The following PLS1 variants were observed in gnomAD, a reference collection of about 807,000 sequenced individuals.
The protein encoded by PLS1 is plastin 1.
In PLS1, 32 loss-of-function variants were observed where a neutral mutation model predicts 73.7. That is an observed-to-expected ratio of 0.43 (90% CI 0.33 to 0.58). The LOEUF (loss-of-function observed/expected upper bound fraction) is 0.58, where lower values mean the gene tolerates loss of function less well. PLS1 is among the 20% of genes least tolerant of loss of function. The pLI is 0.04. For synonymous variants in PLS1, 217 were observed against 261.3 expected (o/e 0.83, Z 1.63); for missense variants, 633 against 740.5 (o/e 0.85, Z 1.68).
chr3:142,661,410 T>A (rs2037366892), intron 1 of PLS1, among the ~76,000 whole-genome samples: 1 of 152,162 alleles, frequency 6.6e-6, no homozygotes, highest in Admixed American at 6.5e-5. Flanking sequence ...GACCAAAAGA[T>A]TAATTGCACA....
chr3:142,694,148 C>T (rs2038144505), intron 10 of PLS1, among the ~76,000 whole-genome samples: 1 of 151,344 alleles, frequency 6.6e-6, no homozygotes, highest in African/African-American at 2.4e-5. Context: ...TTAGTGAATC[C>T]CTTTTGCATC....
chr3:142,639,095 G>T (rs1560043197), intron 1 of PLS1, among the ~76,000 whole-genome samples: 1 of 152,062 alleles, frequency 6.6e-6, no homozygotes, highest in Admixed American at 6.6e-5. Flanking sequence ...TATAATAGAA[G>T]ACTTCCTTAG....
intron 9 of PLS1, among the ~76,000 whole-genome samples, chr3:142,688,481 C>T (rs1330040555): frequency 6.6e-6 from 1 of 152,170 alleles, no homozygotes; most frequent in African/African-American, 2.4e-5. Flanking sequence ...CATGAACTCT[C>T]AATCTAACAG....
intron 14 of PLS1, among the ~76,000 whole-genome samples, chr3:142,707,429 C>A (rs1190336384): frequency 6.6e-6 from 1 of 152,126 alleles, no homozygotes; most frequent in Non-Finnish European, 1.5e-5. Flanking sequence ...TTATTGAGTC[C>A]TTCGTGTCAC....
chr3:142,618,383 CTCCCAT>C (rs768344133), intron 1 of PLS1, among the ~76,000 whole-genome samples: 2 of 152,186 alleles, frequency 1.3e-5, no homozygotes, highest in Admixed American at 6.5e-5. Flanking sequence ...CTTTCTGTTG[CTCCCAT>C]AACAAACCAC....
chr3:142,697,929 A>C, intron 11 of PLS1, 24 bp from the exon 12 acceptor site: 4 of 1,387,320 alleles, frequency 2.9e-6, no homozygotes, highest in Non-Finnish European at 4.1e-6. Context: ...CTCCTCCTTT[A>C]TCTGCTTTTC....
intron 1 of PLS1, among the ~76,000 whole-genome samples, chr3:142,626,103 G>A (rs1433169624): frequency 6.6e-6 from 1 of 152,200 alleles, no homozygotes; most frequent in Non-Finnish European, 1.5e-5. Flanking sequence ...AGGATAAGAA[G>A]GGGAGCTCAT....
At chr3:142,634,364 A>G (rs2036631312) in intron 1 of PLS1, among the ~76,000 whole-genome samples, 1 of 152,230 alleles carries the variant, frequency 6.6e-6, no homozygotes. Flanking sequence ...AAACTACATC[A>G]AAGCATAATT....
intron 1 of PLS1, among the ~76,000 whole-genome samples, chr3:142,627,503 C>T (rs998193829): frequency 6.6e-6 from 1 of 152,188 alleles, no homozygotes; most frequent in African/African-American, 2.4e-5. Context: ...AAATTTTTGT[C>T]AGACCCATGT....
At chr3:142,624,849 C>T (rs2140433) in intron 1 of PLS1, among the ~76,000 whole-genome samples, 1 of 151,994 alleles carries the variant, frequency 6.6e-6, no homozygotes, top group African/African-American at 2.4e-5. Context: ...ATTGCCTTTC[C>T]TCTATTATAC....
chr3:142,634,233 G>A (rs2036628568), intron 1 of PLS1, among the ~76,000 whole-genome samples: 1 of 152,170 alleles, frequency 6.6e-6, no homozygotes, highest in South Asian at 2.1e-4. Context: ...TGAAGGAGGA[G>A]GGAGGAACAG....
intron 1 of PLS1, among the ~76,000 whole-genome samples, chr3:142,643,573 C>T (rs2036885876): frequency 6.6e-6 from 1 of 152,114 alleles, no homozygotes; most frequent in African/African-American, 2.4e-5. Flanking sequence ...TCACTGATGA[C>T]AAAAGGAGTC....
rs993757962 is a variant in PLS1, at chr3:142,668,475, G to A, written c.71-915G>A. On this transcript the variant is annotated intron_variant, in intron 2 of 15. Transcript: ENST00000457734. ...AACGTAGAACACAAATGCCTTATGC[G>A]TATTTTACACAGCGCATGTATTTTA... is the stretch of plus-strand genomic sequence containing the variant. Among the ~76,000 whole-genome samples the A allele has an allele frequency of 2.6e-5, 4 of 152,242 alleles. No homozygotes were observed. The East Asian group carries it at 5.8e-4, about 22-fold the overall frequency.
At chr3:142,700,613 T>C (rs895333504) in intron 12 of PLS1, among the ~76,000 whole-genome samples, 7 of 152,214 alleles carry the variant, frequency 4.6e-5, no homozygotes, top group African/African-American at 1.4e-4. Flanking sequence ...TGAGCCACTG[T>C]GCCCGGCCTT....
chr3:142,641,805 CT>C (rs1560044491), intron 1 of PLS1, among the ~76,000 whole-genome samples: 1 of 152,118 alleles, frequency 6.6e-6, no homozygotes, highest in African/African-American at 2.4e-5. Flanking sequence ...CAGGCTCCCC[CT>C]GACACCTAGG....
chr3:142,618,272 C>T, intron 1 of PLS1, among the ~76,000 whole-genome samples: 1 of 152,158 alleles, frequency 6.6e-6, no homozygotes, highest in Non-Finnish European at 1.5e-5. Flanking sequence ...ACCCCCCACC[C>T]TGCTGCATCT....
At chr3:142,645,588 C>G (rs1044304761) in intron 1 of PLS1, 1 of 152,132 alleles carries the variant, frequency 6.6e-6, no homozygotes, top group African/African-American at 2.4e-5. Context: ...GAGGTAATAC[C>G]TGGGTTATTC....
chr3:142,596,634 T>C (rs1430904505), intron 1 of PLS1, 125 bp downstream of exon 1: 2 of 152,424 alleles, frequency 1.3e-5, no homozygotes, highest in African/African-American at 2.4e-5. Context: ...CGCTCGCGTC[T>C]CGTCTCCTGG....
At chr3:142,617,174 C>G (rs1411787132) in intron 1 of PLS1, among the ~76,000 whole-genome samples, 1 of 149,878 alleles carries the variant, frequency 6.7e-6, no homozygotes, top group Non-Finnish European at 1.5e-5. Context: ...TTTAGCCAAC[C>G]TTTTTAGAGG....
Sources: allele counts gnomAD v4.1 joint callset (sites outside exome capture counted in the v4.1 genomes callset), GRCh38; gene constraint gnomAD v4.1.1; transcripts MANE v1.5; gene names NCBI Gene and HGNC (gene_info 2026-07-23, HGNC 2026-07-21).